The following NCOA7 variants were observed in gnomAD, a reference collection of about 807,000 sequenced individuals.
NCOA7 encodes nuclear receptor coactivator 7, also known as 140 kDa estrogen receptor-associated protein.
In NCOA7, 45 loss-of-function variants were observed where a neutral mutation model predicts 104.3. The observed-to-expected ratio is 0.43, with a 90% CI of 0.34 to 0.55. NCOA7 has a LOEUF of 0.55. NCOA7 is among the 20% of genes least tolerant of loss of function. The pLI is 0.02. For missense variants in NCOA7, 1,041 were observed against 1,119.7 expected, an observed-to-expected ratio of 0.93 and a Z score of 1.00; for synonymous variants, 398 against 402.3, an observed-to-expected ratio of 0.99 and a Z score of 0.13.
intron 6 of NCOA7, among the ~76,000 whole-genome samples, chr6:125,882,147 C>G (rs1453980736): frequency 6.6e-6 from 1 of 152,152 alleles, no homozygotes; most frequent in Non-Finnish European, 1.5e-5. Flanking sequence ...AGCCACCACA[C>G]CCAGCCCATT....
Position 125,857,964 on chromosome 6 carries a change from C to T in NCOA7, c.271+2724C>T, listed in dbSNP as rs924521689. On this transcript the variant is annotated intron_variant, in intron 3 of 15. Transcript: ENST00000392477. ...CCTTTTTATGTGGTATACTCTGTCG[C>T]GTGTGTAATGCTGAGTCTGAAACAA... Among the ~76,000 whole-genome samples, 6 of 151,592 alleles carry T rather than the reference C, an allele frequency of 4.0e-5. No homozygotes were observed. The South Asian group carries it at 1.0e-3, about 26-fold the overall frequency.
In NCOA7 at chr6:125,929,875, C is replaced by T. The variant is rs967604606; in HGVS notation, c.*1104C>T. The stretch of plus-strand genomic sequence containing the variant: ...GCAGGCCTCTGTCTTAAAAGGGACT[C>T]AGTATATTAATTTCTGCATTTTTTA... On this transcript the variant is annotated 3_prime_UTR_variant, in exon 16 of 16. Coordinates refer to ENST00000392477, the MANE Select transcript of NCOA7 (RefSeq NM_181782.5). 1.3e-5 allele frequency: 2 copies of T among 152,086 alleles called. No individual in the cohort carries two copies. The highest frequency in any genetic ancestry group is 2.9e-5 in the Non-Finnish European group (2 of 68,016). The allele number at this position is 152,086 out of a possible 1,614,324, so 9.4% of individuals were successfully genotyped here.
chr6:125,791,912 C>T (rs1309818117), intron 1 of NCOA7, among the ~76,000 whole-genome samples: 2 of 152,198 alleles, frequency 1.3e-5, no homozygotes, highest in African/African-American at 2.4e-5. Flanking sequence ...GCAAGATTCC[C>T]TCTTCCCAGA....
chr6:125,786,885 G>A (rs1774493737), upstream of NCOA7, among the ~76,000 whole-genome samples: 1 of 152,180 alleles, frequency 6.6e-6, no homozygotes, highest in African/African-American at 2.4e-5. Flanking sequence ...AGGGGCTCAT[G>A]TCTGTAGTCC....
At position 125,922,761 on chromosome 6, in the gene NCOA7, T is replaced by TA; in HGVS notation, c.2453dup (p.Thr819AspfsTer22). On this transcript the variant is annotated frameshift_variant, in exon 13 of 16. Transcript: ENST00000392477. LOFTEE classifies it high-confidence loss of function. Reference sequence around the variant, plus strand: ...AGCACGTTAGAGCACGGGACCAGCTTAAAGACGCTCTACCGGAAATCGGCA... The same window carrying TA: ...AGCACGTTAGAGCACGGGACCAGCTTAAAAGACGCTCTACCGGAAATCGGCA... 1 of 1,614,108 alleles carries TA rather than the reference T, an allele frequency of 6.2e-7. No homozygotes were observed.
At chr6:125,877,308 A>C (rs1345408900) in intron 4 of NCOA7, among the ~76,000 whole-genome samples, 2 of 152,176 alleles carry the variant, frequency 1.3e-5, no homozygotes, top group Admixed American at 6.5e-5. Context: ...ACCAGTCCAC[A>C]TCTTCCTTCA....
intron 3 of NCOA7, among the ~76,000 whole-genome samples, chr6:125,865,269 A>G (rs1316516444): frequency 2.2e-5 from 3 of 138,396 alleles, no homozygotes; most frequent in Non-Finnish European, 4.6e-5. Context: ...TGAGTGCAGT[A>G]GTAGATTCTA....
intron 2 of NCOA7, among the ~76,000 whole-genome samples, chr6:125,828,827 A>G (rs1435656416): frequency 6.6e-6 from 1 of 152,138 alleles, no homozygotes; most frequent in Non-Finnish European, 1.5e-5. Flanking sequence ...CTGTGCCAGG[A>G]GATTTACAAA....
At chr6:125,916,940 G>T (rs1290619895) in intron 11 of NCOA7, among the ~76,000 whole-genome samples, 1 of 152,078 alleles carries the variant, frequency 6.6e-6, no homozygotes, top group Non-Finnish European at 1.5e-5. Flanking sequence ...TTTTTTTCCA[G>T]CACTATTTAA....
At chr6:125,885,692 A>C (rs1335527271) in intron 8 of NCOA7, among the ~76,000 whole-genome samples, 1 of 152,204 alleles carries the variant, frequency 6.6e-6, no homozygotes, top group African/African-American at 2.4e-5. Flanking sequence ...ATAAGAGAAT[A>C]ATGTTTTCTT....
intron 1 of NCOA7, among the ~76,000 whole-genome samples, chr6:125,783,827 T>A (rs1479692855): frequency 1.3e-5 from 2 of 152,214 alleles, no homozygotes; most frequent in Non-Finnish European, 2.9e-5. Flanking sequence ...TCTACATGAT[T>A]TTCTGTATTT....
At chr6:125,824,478 A>G (rs143640609) in intron 2 of NCOA7, among the ~76,000 whole-genome samples, 170 of 152,346 alleles carry the variant, frequency 1.1e-3, no homozygotes, top group African/African-American at 4.0e-3. Flanking sequence ...ATGAATTAAA[A>G]TATATGAAGT....
chr6:125,789,716 A>G (rs186265156), upstream of NCOA7, among the ~76,000 whole-genome samples: 216 of 152,318 alleles, frequency 1.4e-3, 1 homozygote, highest in Middle Eastern at 0.014. Flanking sequence ...TAACATGACC[A>G]CCTGCTGCTG....
intron 10 of NCOA7, among the ~76,000 whole-genome samples, chr6:125,907,721 G>C (rs968394921): frequency 6.6e-6 from 1 of 152,088 alleles, no homozygotes. Flanking sequence ...TGGGGATGGG[G>C]TGTTTGGGCA....
At chr6:125,836,584 A>G (rs1366385055) in intron 2 of NCOA7, among the ~76,000 whole-genome samples, 1 of 152,208 alleles carries the variant, frequency 6.6e-6, no homozygotes, top group Non-Finnish European at 1.5e-5. Context: ...CAGCCAAAAT[A>G]AAGTCCAGCT....
chr6:125,790,251 T>G (rs1233687245), upstream of NCOA7, among the ~76,000 whole-genome samples: 1 of 152,178 alleles, frequency 6.6e-6, no homozygotes, highest in Non-Finnish European at 1.5e-5. Flanking sequence ...GGAAGGAAAG[T>G]CAAAGGGCTT....
rs146270095 is a variant in NCOA7, at chr6:125,898,024, T to C, written c.2096+7214T>C. ...GTAGCATCCATACATACTAAGACCA[T>C]GTAGTAACATTTTGGCCACAAAAGC... On this transcript the variant is annotated intron_variant, in intron 10 of 15. Coordinates refer to ENST00000392477, the MANE Select transcript of NCOA7 (RefSeq NM_181782.5). 2.6e-5 allele frequency among the ~76,000 whole-genome samples: 4 copies of C among 152,356 alleles called. No homozygotes were observed. The East Asian group carries it at 7.7e-4, about 29-fold the overall frequency.
At chr6:125,825,247 A>T (rs1778570003) in intron 2 of NCOA7, among the ~76,000 whole-genome samples, 1 of 152,066 alleles carries the variant, frequency 6.6e-6, no homozygotes, top group African/African-American at 2.4e-5. Flanking sequence ...GTGGAGGTGA[A>T]AAGATAGCTC....
rs114733340 is a variant in NCOA7 at position 125,793,507 on chromosome 6, C to T, written c.-65+2440C>T. 4.4e-3 allele frequency among the ~76,000 whole-genome samples: 667 copies of T among 152,260 alleles called. 1 individual carries two copies. The highest frequency in any genetic ancestry group is 0.015 in the African/African-American group (633 of 41,546). On this transcript the variant is annotated intron_variant, in intron 1 of 15. Coordinates refer to ENST00000392477, the MANE Select transcript of NCOA7 (RefSeq NM_181782.5). ...CTTCTGTGTGTCCTACAACCAAATG[C>T]GCAGTGCCTCTGGGATTGGTTGACT...
Sources: allele counts gnomAD v4.1 joint callset (sites outside exome capture counted in the v4.1 genomes callset), GRCh38; gene constraint gnomAD v4.1.1; transcripts MANE v1.5; gene names NCBI Gene and HGNC (gene_info 2026-07-23, HGNC 2026-07-21).